AGBL4: variants seen among roughly 807,000 people sequenced by gnomAD.
AGBL4 encodes the protein cytosolic carboxypeptidase 6.
Under a neutral mutation model 66.4 loss-of-function variants are expected in AGBL4, and 58 were observed. The observed-to-expected ratio is 0.87, with a 90% CI of 0.71 to 1.09. AGBL4 has a LOEUF of 1.09. AGBL4 is among the 50% of genes least tolerant of loss of function. The pLI, the probability that AGBL4 is intolerant of heterozygous loss-of-function variation, is 0.00. For missense variants in AGBL4, 579 were observed against 631.0 expected (o/e 0.92, Z 0.88); for synonymous variants, 234 against 222.9 (o/e 1.05, Z -0.44).
intron 5 of AGBL4, among the ~76,000 whole-genome samples, chr1:48,975,258 A>G (rs1284955400): frequency 6.6e-6 from 1 of 152,170 alleles, no homozygotes; most frequent in Non-Finnish European, 1.5e-5. Flanking sequence ...AACATGCACC[A>G]TATTTGACTG....
At chr1:48,546,540 C>T (rs911921621) in intron 11 of AGBL4, among the ~76,000 whole-genome samples, 4 of 152,064 alleles carry the variant, frequency 2.6e-5, no homozygotes, top group African/African-American at 4.8e-5. Context: ...GAAAAGGGTC[C>T]GAAGGCCCAT....
At chr1:49,917,661 A>G (rs551994147) in intron 1 of AGBL4, among the ~76,000 whole-genome samples, 14 of 152,148 alleles carry the variant, frequency 9.2e-5, no homozygotes, top group Admixed American at 5.2e-4. Flanking sequence ...CACTGTCAAC[A>G]ACAGACAGAT....
At chr1:48,580,409 G>T (rs1402724924) in intron 11 of AGBL4, among the ~76,000 whole-genome samples, 1 of 152,210 alleles carries the variant, frequency 6.6e-6, no homozygotes, top group Non-Finnish European at 1.5e-5. Context: ...GAGGGGAAAG[G>T]CTGGGAAGCC....
At chr1:49,957,998 C>T (rs1025075526) in intron 1 of AGBL4, among the ~76,000 whole-genome samples, 63 of 151,842 alleles carry the variant, frequency 4.1e-4, no homozygotes, top group East Asian at 3.9e-4. Flanking sequence ...TGGCTGGTAC[C>T]GGTTGTTCCT....
intron 5 of AGBL4, among the ~76,000 whole-genome samples, chr1:48,958,379 C>T (rs1657669751): frequency 6.6e-6 from 1 of 152,218 alleles, no homozygotes; most frequent in Admixed American, 6.5e-5. Flanking sequence ...ATAGAGCTGT[C>T]ACTGAGAAGT....
intron 11 of AGBL4, among the ~76,000 whole-genome samples, chr1:48,548,983 A>G (rs1485768487): frequency 2.0e-5 from 3 of 152,178 alleles, no homozygotes; most frequent in African/African-American, 7.2e-5. Context: ...GAAAACAGAC[A>G]CATCCCTGTC....
chr1:49,556,601 A>C (rs891149856), intron 3 of AGBL4, among the ~76,000 whole-genome samples: 2 of 151,946 alleles, frequency 1.3e-5, no homozygotes, highest in African/African-American at 4.8e-5. Flanking sequence ...CTAGACATAA[A>C]AGTTCTCTAA....
In AGBL4 at chr1:49,479,667, A is replaced by G. The variant is rs1360301813; in HGVS notation, c.282+217646T>C. ...TTTTTTTATAGCTGCACAGCATTTCATGGTGTATATGTACCACATTTTCTT... is the reference window on the plus strand; with the variant it reads ...TTTTTTTATAGCTGCACAGCATTTCGTGGTGTATATGTACCACATTTTCTT... On this transcript the variant is annotated intron_variant, in intron 3 of 13. Transcript: ENST00000371839. Among the ~76,000 whole-genome samples the G allele has an allele frequency of 4.1e-5, 6 of 147,824 alleles. 1 individual carries two copies. The highest frequency in any genetic ancestry group is 7.5e-5 in the Non-Finnish European group (5 of 66,716).
intron 3 of AGBL4, among the ~76,000 whole-genome samples, chr1:49,406,850 G>A (rs1645210859): frequency 6.6e-6 from 1 of 151,824 alleles, no homozygotes; most frequent in Non-Finnish European, 1.5e-5. Context: ...CGGATCACGA[G>A]GTCAGGAAAT....
intron 3 of AGBL4, among the ~76,000 whole-genome samples, chr1:49,677,340 T>A (rs1646600358): frequency 6.6e-6 from 1 of 152,162 alleles, no homozygotes; most frequent in African/African-American, 2.4e-5. Flanking sequence ...TTTTTCTGCA[T>A]CAACTGATAT....
intron 2 of AGBL4, among the ~76,000 whole-genome samples, chr1:49,807,618 T>C (rs1010706423): frequency 4.1e-4 from 63 of 152,164 alleles, no homozygotes; most frequent in African/African-American, 1.5e-3. Context: ...GACTTTTGAG[T>C]TGATGCTGGA....
At position 48,725,481 on chromosome 1, in the gene AGBL4, C is replaced by T. The variant is rs535885112; in HGVS notation, c.635-62240G>A. Among the ~76,000 whole-genome samples the T allele has an allele frequency of 3.9e-5, 6 of 152,202 alleles. No individual in the cohort carries two copies. The East Asian group carries it at 9.7e-4, about 24-fold the overall frequency. ...ATGTTTATAAGCAGTACTATCATTC[C>T]CAGTCCCTCCAAATGGCCTGAATTA... On this transcript the variant is annotated intron_variant, in intron 6 of 13. Transcript: ENST00000371839.
intron 1 of AGBL4, among the ~76,000 whole-genome samples, chr1:49,957,650 A>G (rs1656735617): frequency 1.3e-5 from 2 of 151,796 alleles, no homozygotes. Flanking sequence ...TGTTGGTTTA[A>G]AGTCTGTTTT....
At chr1:49,559,076 A>T (rs1486404454) in intron 3 of AGBL4, among the ~76,000 whole-genome samples, 2 of 152,150 alleles carry the variant, frequency 1.3e-5, no homozygotes, top group Non-Finnish European at 2.9e-5. Flanking sequence ...ATAGAGCCCC[A>T]GAGCCTTTAT....
chr1:48,945,059 C>T (rs1656383034), intron 5 of AGBL4, among the ~76,000 whole-genome samples: 1 of 152,088 alleles, frequency 6.6e-6, no homozygotes, highest in Non-Finnish European at 1.5e-5. Flanking sequence ...CCATCCTTTC[C>T]TGACTTGAGA....
chr1:48,673,361 A>C, intron 6 of AGBL4, among the ~76,000 whole-genome samples: 1 of 140,744 alleles, frequency 7.1e-6, no homozygotes, highest in Admixed American at 6.7e-5. Context: ...CCTGGGAGTA[A>C]TGTGATCCTG....
the AGBL4 span, among the ~76,000 whole-genome samples, chr1:48,522,755 A>AAAC: frequency 9.9e-5 from 15 of 152,020 alleles, no homozygotes; most frequent in Admixed American, 9.8e-4. Context: ...ACTAAGTATG[A>AAAC]AACTTCACTA....
intron 2 of AGBL4, among the ~76,000 whole-genome samples, chr1:49,718,965 T>C (rs1648382042): frequency 6.6e-6 from 1 of 152,104 alleles, no homozygotes; most frequent in African/African-American, 2.4e-5. Flanking sequence ...TATCTTAAGT[T>C]ATCCAGGAGT....
intron 3 of AGBL4, chr1:49,527,205 A>G (rs1650725512): frequency 1.3e-5 from 2 of 152,082 alleles, no homozygotes; most frequent in African/African-American, 2.4e-5. Context: ...CAAGTGCTCA[A>G]TGAGAACATT....
Sources: gnomAD v4.1 joint callset for allele counts (sites outside exome capture counted in the v4.1 genomes callset) on GRCh38, gnomAD v4.1.1 for gene constraint, MANE v1.5 for transcripts, NCBI Gene and HGNC (gene_info 2026-07-23, HGNC 2026-07-21) for gene names.